ERBIN: variants seen among roughly 807,000 people sequenced by gnomAD.
The protein encoded by ERBIN is erbb2 interacting protein.
ERBIN carries 60 observed loss-of-function variants against 158.4 expected under a neutral mutation model. That is an observed-to-expected ratio of 0.38 (90% CI 0.31 to 0.47). The LOEUF is 0.47. Among genes scored for constraint, ERBIN ranks in the 20% least tolerant of loss-of-function variants. ERBIN has a pLI of 0.99. For missense variants in ERBIN, 1,610 were observed against 1,648.0 expected, an observed-to-expected ratio of 0.98 and a Z score of 0.40; for synonymous variants, 594 against 557.2, an observed-to-expected ratio of 1.07 and a Z score of -0.93.
chr5:65,977,122 C>T (rs1413866572), intron 1 of ERBIN, among the ~76,000 whole-genome samples: 2 of 148,994 alleles, frequency 1.3e-5, no homozygotes, highest in Non-Finnish European at 3.0e-5. Flanking sequence ...ACCTCCCGGA[C>T]GGGGCGGCTG....
intron 6 of ERBIN, among the ~76,000 whole-genome samples, chr5:66,014,462 C>CT (rs1350046526): frequency 6.6e-6 from 1 of 152,160 alleles, no homozygotes; most frequent in Non-Finnish European, 1.5e-5. Flanking sequence ...TGTGGAAGTG[C>CT]TAACCCTTTT....
chr5:66,036,763 C>G (rs1007658004), intron 14 of ERBIN, among the ~76,000 whole-genome samples: 7 of 152,214 alleles, frequency 4.6e-5, no homozygotes, highest in Admixed American at 3.9e-4. Flanking sequence ...AATGAGTGAT[C>G]TTTATATTTC....
At position 66,080,256 on chromosome 5, in the gene ERBIN, T is replaced by C. The variant is rs1331001337; in HGVS notation, c.*1726T>C. 2.0e-5 allele frequency: 3 copies of C among 152,598 alleles called. No homozygotes were observed. Among genetic ancestry groups the C allele is most frequent in the Non-Finnish European group, 4.4e-5 (3 of 67,988 alleles). The allele number at this position is 152,598 out of a possible 1,614,324, so 9.5% of individuals were successfully genotyped here. ...TAAGTAGGCAGCACTTTTAAAAATATGTGAACTCAAATATTGCACTTCTTT... is the reference window on the plus strand; with the variant it reads ...TAAGTAGGCAGCACTTTTAAAAATACGTGAACTCAAATATTGCACTTCTTT... On this transcript the variant is annotated 3_prime_UTR_variant, in exon 26 of 26. Transcript: ENST00000284037.
At chr5:66,006,340 A>T (rs1753597112) in intron 4 of ERBIN, among the ~76,000 whole-genome samples, 3 of 152,366 alleles carry the variant, frequency 2.0e-5, no homozygotes, top group Admixed American at 2.0e-4. Context: ...GGCTAGCCAT[A>T]TGTAGAAAGC....
At chr5:66,018,432 G>GAT (rs1399183238) in intron 7 of ERBIN, among the ~76,000 whole-genome samples, 2 of 70,816 alleles carry the variant, frequency 2.8e-5, no homozygotes, top group African/African-American at 4.2e-5. Context: ...AGAATAAATT[G>GAT]ATATATATAA....
In ERBIN at chr5:66,053,787, T is replaced by C. The variant is rs1759296472; in HGVS notation, c.2469T>C (p.Asn823=). The change falls in exon 21 of 26, where the codon AAT becomes AAC. Residue 823 remains asparagine (N), a synonymous_variant. Coordinates refer to ENST00000284037, the MANE Select transcript of ERBIN (RefSeq NM_001253697.2). ...ATTTGGAATCCGTAAATAAGGTAAATGGACATTCTGAGGAAACTTCCCAGT... is the reference window on the plus strand; with the variant it reads ...ATTTGGAATCCGTAAATAAGGTAAACGGACATTCTGAGGAAACTTCCCAGT... The part of the protein sequence containing the change: ...YPNLESVNKV[N]GHSEETSQSP... 1 of 1,613,770 alleles carries C rather than the reference T, an allele frequency of 6.2e-7. No homozygotes were observed. The highest frequency in any genetic ancestry group is 1.7e-5 in the Admixed American group (1 of 59,982).
chr5:65,992,699 G>A lies in ERBIN; in HGVS notation c.-9-11G>A, dbSNP rs755521135. 7 of 1,547,764 alleles carry A rather than the reference G, an allele frequency of 4.5e-6. No homozygotes were observed. The highest frequency in any genetic ancestry group is 4.6e-5 in the East Asian group (2 of 43,338). On this transcript the variant is annotated splice_polypyrimidine_tract_variant and intron_variant, in intron 2 of 25. Transcript: ENST00000284037. ...GTATGTTTTAAATTTCTTTTTATTC[G>A]AATATTGCAGTGTCTAAAAATGACT... is the stretch of plus-strand genomic sequence containing the variant.
At chr5:66,068,453 T>C (rs1761222758) in intron 21 of ERBIN, among the ~76,000 whole-genome samples, 1 of 152,214 alleles carries the variant, frequency 6.6e-6, no homozygotes, top group South Asian at 2.1e-4. Flanking sequence ...TAAAAATTCA[T>C]TTGACTTAGA....
intron 21 of ERBIN, among the ~76,000 whole-genome samples, chr5:66,059,962 G>A (rs1262811830): frequency 5.3e-5 from 8 of 152,130 alleles, no homozygotes; most frequent in Non-Finnish European, 1.0e-4. Flanking sequence ...GAGGATTTTT[G>A]CATCAATGTT....
In ERBIN at chr5:66,075,178, A is replaced by G. The variant is rs1243279243; in HGVS notation, c.3911A>G (p.Tyr1304Cys). ...LMLKVAHQPP[Y>C]TQPHCSPRQG... Reference sequence around the variant, plus strand: ...CTGAAAGTGGCCCACCAGCCTCCATATACACAGCCCCATTGTTCTCCTAGA... The same window carrying G: ...CTGAAAGTGGCCCACCAGCCTCCATGTACACAGCCCCATTGTTCTCCTAGA... Residue 1304 changes from tyrosine (Y) to cysteine (C), a missense_variant, in exon 23 of 26, where the codon TAT (tyrosine) becomes TGT (cysteine). By Grantham distance (194) the Tyr-to-Cys change is radical. Around this residue, in one of 2 missense-constraint regions of ERBIN, gnomAD observed 1,014 missense variants for 936.1 expected, o/e 1.08. Transcript: ENST00000284037. 3 of 1,614,160 alleles carry G rather than the reference A, an allele frequency of 1.9e-6. No homozygotes were observed. The highest frequency in any genetic ancestry group is 4.5e-5 in the East Asian group (2 of 44,878).
chr5:66,053,667 A>G lies in ERBIN; in HGVS notation c.2349A>G (p.Arg783=). The change falls in exon 21 of 26, where the codon AGA becomes AGG. Residue 783 remains arginine, a synonymous_variant. Coordinates refer to ENST00000284037, the MANE Select transcript of ERBIN (RefSeq NM_001253697.2). ...NDTFQPEIME[R]SKTQDIVLGT... is the part of the protein sequence containing the mutation. ...CATTTCAACCAGAGATCATGGAAAG[A>G]TCAAAAACACAGGATATTGTGCTTG... is the stretch of plus-strand genomic sequence containing the variant. 1 of 1,613,928 alleles carries G rather than the reference A, an allele frequency of 6.2e-7. No homozygotes were observed. Among genetic ancestry groups the G allele is most frequent in the South Asian group, 1.1e-5 (1 of 91,058 alleles).
At chr5:65,940,210 G>C (rs1744684014) in intron 1 of ERBIN, among the ~76,000 whole-genome samples, 1 of 151,388 alleles carries the variant, frequency 6.6e-6, no homozygotes, top group Admixed American at 6.6e-5. Flanking sequence ...CCCCGTCTGG[G>C]ATGTGAGGAG....
intron 1 of ERBIN, among the ~76,000 whole-genome samples, chr5:65,970,561 T>C (rs1749135743): frequency 6.6e-6 from 1 of 152,122 alleles, no homozygotes; most frequent in African/African-American, 2.4e-5. Flanking sequence ...ACCAGACTAT[T>C]TGGTCTCCTT....
chr5:65,948,656 C>T (rs1322909372), intron 1 of ERBIN, among the ~76,000 whole-genome samples: 3 of 151,850 alleles, frequency 2.0e-5, no homozygotes, highest in Admixed American at 2.0e-4. Flanking sequence ...TGCTTACATC[C>T]CTCTAAACAT....
chr5:65,994,707 A>C, intron 3 of ERBIN, 40 bp from the exon 4 acceptor site: 1 of 1,098,992 alleles, frequency 9.1e-7, no homozygotes, highest in Non-Finnish European at 1.4e-6. Context: ...ATATTTAAAG[A>C]TGTATATAAT....
intron 1 of ERBIN, among the ~76,000 whole-genome samples, chr5:65,952,116 G>A (rs998216135): frequency 3.3e-5 from 5 of 152,176 alleles, no homozygotes; most frequent in African/African-American, 1.2e-4. Context: ...TAATTGAACG[G>A]TATACCTGAA....
At chr5:65,998,494 A>G (rs1178610268) in intron 4 of ERBIN, among the ~76,000 whole-genome samples, 1 of 151,822 alleles carries the variant, frequency 6.6e-6, no homozygotes, top group Non-Finnish European at 1.5e-5. Flanking sequence ...ACCTTTTGTT[A>G]TTGAGCTGTT....
chr5:66,013,909 C>G (rs927997851), intron 6 of ERBIN, among the ~76,000 whole-genome samples: 6 of 152,118 alleles, frequency 3.9e-5, no homozygotes, highest in Non-Finnish European at 7.4e-5. Flanking sequence ...GCTTGAGATA[C>G]TGAATGCTAT....
chr5:66,030,517 T>C (rs1298352108), intron 14 of ERBIN, among the ~76,000 whole-genome samples: 2 of 151,790 alleles, frequency 1.3e-5, no homozygotes, highest in East Asian at 3.9e-4. Context: ...ACATACCTCC[T>C]GGTCTCGAGG....
Sources: allele counts gnomAD v4.1 joint callset (sites outside exome capture counted in the v4.1 genomes callset), GRCh38; gene constraint gnomAD v4.1.1; regional missense constraint gnomAD v4.1.1; transcripts MANE v1.5; gene names NCBI Gene and HGNC (gene_info 2026-07-23, HGNC 2026-07-21).